DPY19L4: variants seen among roughly 807,000 people sequenced by gnomAD.
DPY19L4 encodes the protein dpy-19 like 4.
Under a neutral mutation model 102.8 loss-of-function variants are expected in DPY19L4, and 97 were observed. The observed-to-expected ratio is 0.94, with a 90% CI of 0.80 to 1.12. The LOEUF (loss-of-function observed/expected upper bound fraction) is 1.12, where lower values mean the gene tolerates loss of function less well. DPY19L4 is among the 50% of genes most tolerant of loss of function. The probability of loss-of-function intolerance (pLI) is 0.00; values close to 1 mark genes in which losing one functional copy is unlikely to be tolerated. For synonymous variants in DPY19L4, 252 were observed against 283.1 expected (o/e 0.89, Z 1.10); for missense variants, 815 against 850.4 (o/e 0.96, Z 0.52).
intron 1 of DPY19L4, among the ~76,000 whole-genome samples, chr8:94,722,971 A>G (rs756600590): frequency 2.4e-4 from 37 of 152,252 alleles, no homozygotes; most frequent in Non-Finnish European, 5.1e-4. Context: ...CAAAGAAAGA[A>G]GTGACAACCT....
intron 7 of DPY19L4, among the ~76,000 whole-genome samples, chr8:94,759,989 T>A (rs1459982301): frequency 1.1e-4 from 16 of 152,088 alleles, no homozygotes; most frequent in African/African-American, 3.6e-4. Context: ...ATCCTATGTG[T>A]AAAAAGTTCA....
intron 13 of DPY19L4, 64 bp from the exon 14 acceptor site, chr8:94,777,602 C>G: frequency 6.5e-7 from 1 of 1,534,550 alleles, no homozygotes; most frequent in South Asian, 1.3e-5. Context: ...GCTCAGAGAA[C>G]AAAAATTAGA....
In DPY19L4 at chr8:94,777,686, C is replaced by A; in HGVS notation, c.1475C>A (p.Pro492His). Residue 492 changes from proline to histidine, a missense_variant, in exon 14 of 19, where the codon CCT becomes CAT. Physicochemically the swap from Pro to His is moderately conservative, Grantham distance 77. Transcript: ENST00000414645. Reference protein sequence around the residue: ...VIEGLKYIWIPYVCMLAAFGV... With the variant: ...VIEGLKYIWIHYVCMLAAFGV... ...TCTAGCTTGAAGTACATCTGGATTC[C>A]TTATGTGTGCATGTTAGCAGCATTT... is the stretch of plus-strand genomic sequence containing the variant. The A allele has an allele frequency of 6.2e-7, 1 of 1,613,718 alleles. No homozygotes were observed. Among genetic ancestry groups the A allele is most frequent in the South Asian group, 1.1e-5 (1 of 90,968 alleles).
Position 94,739,672 on chromosome 8 carries a change from A to G in DPY19L4, c.493A>G (p.Ile165Val), listed in dbSNP as rs566242745. 3.9e-5 allele frequency: 63 copies of G among 1,613,998 alleles called. No individual in the cohort carries two copies. The South Asian group carries it at 6.5e-4, about 17-fold the overall frequency. ...NEIIEPVYFY[I>V]GIVFGLQGIY... ...GATTATTGAGCCAGTGTATTTCTAT[A>G]TTGGCATTGTTTTTGGATTGCAAGG... Residue 165 changes from isoleucine to valine, a missense_variant, in exon 6 of 19, where the codon ATT (isoleucine) becomes GTT (valine). Physicochemically the swap from Ile to Val is conservative, Grantham distance 29. Coordinates refer to ENST00000414645, the MANE Select transcript of DPY19L4 (RefSeq NM_181787.3).
chr8:94,739,354 CAT>C, intron 4 of DPY19L4, 57 bp from the exon 5 acceptor site: 2 of 1,476,828 alleles, frequency 1.4e-6, no homozygotes, highest in South Asian at 3.0e-5. Context: ...GGACTAATGA[CAT>C]GTTTAATTAC....
At chr8:94,750,577 G>A (rs989944836) in intron 6 of DPY19L4, among the ~76,000 whole-genome samples, 42 of 150,744 alleles carry the variant, frequency 2.8e-4, no homozygotes, top group Admixed American at 9.9e-4. Context: ...GTGTGTGTGT[G>A]TATATATATG....
chr8:94,734,208 G>A (rs939658547), intron 2 of DPY19L4, among the ~76,000 whole-genome samples: 4 of 151,618 alleles, frequency 2.6e-5, no homozygotes, highest in Admixed American at 6.6e-5. Flanking sequence ...ACAAGTGTGC[G>A]CCACCACACC....
chr8:94,747,135 C>T (rs1364900073), intron 6 of DPY19L4, among the ~76,000 whole-genome samples: 1 of 151,912 alleles, frequency 6.6e-6, no homozygotes, highest in African/African-American at 2.4e-5. Flanking sequence ...GATCATAGCT[C>T]ACTGCATCAT....
At chr8:94,745,242 GA>G (rs1237156964) in intron 6 of DPY19L4, among the ~76,000 whole-genome samples, 1 of 152,072 alleles carries the variant, frequency 6.6e-6, no homozygotes, top group Non-Finnish European at 1.5e-5. Flanking sequence ...CAGATAGGGG[GA>G]AAAAATCAGA....
intron 16 of DPY19L4, 75 bp from the exon 17 acceptor site, chr8:94,783,595 C>A: frequency 6.7e-7 from 1 of 1,500,950 alleles, no homozygotes. Flanking sequence ...TCTGGTATTT[C>A]AGAGTTGATA....
rs1813932307 is a variant in DPY19L4, at chr8:94,793,291, G to A, written c.*3381G>A. On this transcript the variant is annotated 3_prime_UTR_variant, in exon 19 of 19. Transcript: ENST00000414645. ...GATTTAATTTCTTACACTGTGAATA[G>A]CCATTGTATTGTTTTGTTTCTGATA... The A allele has an allele frequency of 6.6e-6, 1 of 152,152 alleles. No homozygotes were observed. The highest frequency in any genetic ancestry group is 1.5e-5 in the Non-Finnish European group (1 of 68,014). The allele number at this position is 152,152 out of a possible 1,614,324, so 9.4% of individuals were successfully genotyped here.
chr8:94,739,822 A>G, intron 6 of DPY19L4, 32 bp downstream of exon 6: 2 of 1,607,658 alleles, frequency 1.2e-6, no homozygotes, highest in Non-Finnish European at 1.7e-6. Flanking sequence ...ATTTTTAAAA[A>G]CTTTTTGTGG....
At position 94,780,383 on chromosome 8, in the gene DPY19L4, C is replaced by T; in HGVS notation, c.1600C>T (p.Pro534Ser). The part of the protein sequence containing the change: ...LLALILSMAV[P>S]TIIGLSLWKE... ...GGCTCTTATTCTGAGCATGGCCGTG[C>T]CTACTATAATAGGTCTCAGCTTATG... The change falls in exon 15 of 19, where the codon CCT (proline) becomes TCT (serine). Residue 534 changes from proline to serine, a missense_variant. Physicochemically the swap from Pro to Ser is moderately conservative, Grantham distance 74. Coordinates refer to ENST00000414645, the MANE Select transcript of DPY19L4 (RefSeq NM_181787.3). 6.7e-7 allele frequency: 1 copy of T among 1,485,636 alleles called. No homozygotes were observed. The highest frequency in any genetic ancestry group is 9.1e-7 in the Non-Finnish European group (1 of 1,103,026). 92.0% of individuals were successfully genotyped at this position (1,485,636 alleles called of 1,614,324 possible).
At chr8:94,774,585 T>C (rs537667677) in intron 13 of DPY19L4, among the ~76,000 whole-genome samples, 71 of 151,464 alleles carry the variant, frequency 4.7e-4, no homozygotes, top group Admixed American at 4.7e-3. Flanking sequence ...CTTTCTTTTT[T>C]TTTTTTTTTT....
At chr8:94,765,154 T>G (rs1417882092) in intron 8 of DPY19L4, 29 bp from the exon 9 acceptor site, 1 of 1,350,594 alleles carries the variant, frequency 7.4e-7, no homozygotes, top group Non-Finnish European at 1.0e-6. Context: ...TATAACTTAT[T>G]CTCACTTATT....
Position 94,729,702 on chromosome 8 carries a change from A to G in DPY19L4, c.127+3261A>G, listed in dbSNP as rs1330581187. 3.4e-5 allele frequency among the ~76,000 whole-genome samples: 5 copies of G among 146,188 alleles called. No homozygotes were observed. The South Asian group carries it at 1.1e-3, about 32-fold the overall frequency. ...AAATTAGCTGAGAATGTGGTGGTTC[A>G]TGCCTGTAGTCCCAGCTACTTGGGA... On this transcript the variant is annotated intron_variant, in intron 2 of 18. Transcript: ENST00000414645.
intron 14 of DPY19L4, among the ~76,000 whole-genome samples, chr8:94,778,955 G>T (rs1332646582): frequency 6.6e-6 from 1 of 152,196 alleles, no homozygotes. Context: ...ATGCTGCGGA[G>T]CTGGCTCTCA....
At chr8:94,744,668 T>C (rs1811594326) in intron 6 of DPY19L4, 1 of 426,844 alleles carries the variant, frequency 2.3e-6, no homozygotes, top group Admixed American at 2.6e-5. Context: ...CATGTAAACA[T>C]AATGGTTTTA....
intron 16 of DPY19L4, among the ~76,000 whole-genome samples, chr8:94,782,956 GT>G (rs1221378678): frequency 1.3e-5 from 2 of 152,192 alleles, no homozygotes; most frequent in African/African-American, 2.4e-5. Context: ...TACAATTACT[GT>G]GTTTTGTATC....
Sources: gnomAD v4.1 joint callset for allele counts (sites outside exome capture counted in the v4.1 genomes callset) on GRCh38, gnomAD v4.1.1 for gene constraint, MANE v1.5 for transcripts, NCBI Gene and HGNC (gene_info 2026-07-23, HGNC 2026-07-21) for gene names.